The following RPS19BP1 variants were observed in gnomAD, a reference collection of about 807,000 sequenced individuals.
RPS19BP1 encodes the protein active regulator of SIRT1.
RPS19BP1 carries 14 observed loss-of-function variants against 16.6 expected under a neutral mutation model. The observed-to-expected ratio is 0.84, with a 90% CI of 0.56 to 1.32. The LOEUF (loss-of-function observed/expected upper bound fraction) is 1.32. Among genes scored for constraint, RPS19BP1 ranks in the 40% most tolerant of loss-of-function variants. The pLI, the probability that RPS19BP1 is intolerant of heterozygous loss-of-function variation, is 0.00. For synonymous variants in RPS19BP1, 90 were observed against 77.3 expected (o/e 1.16, Z -0.86); for missense variants, 188 against 178.6 (o/e 1.05, Z -0.30).
In RPS19BP1 at chr22:39,532,670, T is replaced by C; in HGVS notation, c.52+17A>G. 1.3e-6 allele frequency: 2 copies of C among 1,555,158 alleles called. No individual in the cohort carries two copies. Among genetic ancestry groups the C allele is most frequent in the Non-Finnish European group, 8.7e-7 (1 of 1,153,914 alleles). On this transcript the variant is annotated intron_variant, in intron 1 of 3. Coordinates refer to ENST00000334678, the MANE Select transcript of RPS19BP1 (RefSeq NM_194326.4). ...CCTCCTGCCCGCGCCGGACGTCCCCTGGCCAGCCCTCCTCACCCTCGGACG... is the reference window on the plus strand; with the variant it reads ...CCTCCTGCCCGCGCCGGACGTCCCCCGGCCAGCCCTCCTCACCCTCGGACG...
Position 39,529,163 on chromosome 22 carries a change from G to A in RPS19BP1, c.*329C>T. The stretch of plus-strand genomic sequence containing the variant: ...TACTCCTGGAGCTGTCGTCCCCAAG[G>A]GCTCAGGAATTAGCCTTGCTCCACA... On this transcript the variant is annotated 3_prime_UTR_variant, in exon 4 of 4. Transcript: ENST00000334678. The A allele has an allele frequency of 3.0e-6, 1 of 328,700 alleles. No homozygotes were observed. Among genetic ancestry groups the A allele is most frequent in the African/African-American group, 2.2e-5 (1 of 46,062 alleles). 20.4% of individuals were successfully genotyped at this position (328,700 alleles called of 1,614,324 possible).
intron 1 of RPS19BP1, 37 bp downstream of exon 1, chr22:39,532,650 T>G (rs1302560328): frequency 6.3e-7 from 1 of 1,575,504 alleles, no homozygotes; most frequent in East Asian, 2.3e-5. Context: ...ACCATCCTCC[T>G]GCCCGCGCCG....
rs1738922686 is a variant in RPS19BP1, at chr22:39,529,613, T to C, written c.290A>G (p.Gln97Arg). Residue 97 changes from glutamine (Q) to arginine (R), a missense_variant, in exon 4 of 4, where the codon CAG becomes CGG. By Grantham distance (43) the Gln-to-Arg change is conservative. Coordinates refer to ENST00000334678, the MANE Select transcript of RPS19BP1 (RefSeq NM_194326.4). ...AESVSQQILR[Q>R]NRGRKACDRP... ...GTCACAGGCCTTGCGGCCCCGGTTC[T>C]GGCGCAAAATCTGGCGAGGGTGCGG... 3 of 1,613,918 alleles carry C rather than the reference T, an allele frequency of 1.9e-6. No individual in the cohort carries two copies. The highest frequency in any genetic ancestry group is 2.5e-6 in the Non-Finnish European group (3 of 1,180,006).
At chr22:39,532,626 C>A in intron 1 of RPS19BP1, 61 bp downstream of exon 1, 1 of 1,593,148 alleles carries the variant, frequency 6.3e-7, no homozygotes. Context: ...CCAGGGCTCC[C>A]GCCCGCAGCC....
chr22:39,529,647 G>A (rs777100876), intron 3 of RPS19BP1, 24 bp from the exon 4 acceptor site: 8 of 1,612,034 alleles, frequency 5.0e-6, no homozygotes, highest in South Asian at 1.1e-5. Flanking sequence ...GGGACCGAGG[G>A]CCCATCATTT....
Position 39,532,527 on chromosome 22 carries a change from T to C in RPS19BP1, c.53-4A>G, listed in dbSNP as rs1413435186. ...TGACCTGGAGGGTCCCGGGGGGCTG[T>C]AGGGGAAGAGAGAGGAAGAGACCCA... is the stretch of plus-strand genomic sequence containing the variant. On this transcript the variant is annotated splice_polypyrimidine_tract_variant and splice_region_variant and intron_variant, in intron 1 of 3. Transcript: ENST00000334678. 4 of 1,613,642 alleles carry C rather than the reference T, an allele frequency of 2.5e-6. No homozygotes were observed. The highest frequency in any genetic ancestry group is 2.2e-5 in the East Asian group (1 of 44,892).
At chr22:39,532,123 C>G in intron 2 of RPS19BP1, 1 of 442,172 alleles carries the variant, frequency 2.3e-6, no homozygotes, top group Non-Finnish European at 4.1e-6. Flanking sequence ...GTACCGTAGT[C>G]TTTTAATTCA....
Position 39,532,312 on chromosome 22 carries a change from C to G in RPS19BP1, c.181+83G>C, listed in dbSNP as rs1931332363. On this transcript the variant is annotated intron_variant, in intron 2 of 3. Coordinates refer to ENST00000334678, the MANE Select transcript of RPS19BP1 (RefSeq NM_194326.4). ...GTCTAGCAATACCGGGCGAACGCTT[C>G]AAGCCCTGCCTCAAGCGCCACCTCC... 1.9e-6 allele frequency: 3 copies of G among 1,597,112 alleles called. No individual in the cohort carries two copies. In the South Asian group the frequency reaches 3.3e-5, roughly 18 times the overall value.
intron 2 of RPS19BP1, 75 bp downstream of exon 2, chr22:39,532,320 G>C (rs1931332597): frequency 6.2e-7 from 1 of 1,604,874 alleles, no homozygotes; most frequent in Non-Finnish European, 8.5e-7. Context: ...TTCAAGCCCT[G>C]CCTCAAGCGC....
In RPS19BP1 at chr22:39,529,418, G is replaced by A. The variant is rs560203199; in HGVS notation, c.*74C>T. Reference sequence around the variant, plus strand: ...TCGCCATCTGCTGGCCGCGCGGCACGGCCGGTTCCTGGAGCCAGCAGGAGT... The same window carrying A: ...TCGCCATCTGCTGGCCGCGCGGCACAGCCGGTTCCTGGAGCCAGCAGGAGT... On this transcript the variant is annotated 3_prime_UTR_variant, in exon 4 of 4. Transcript: ENST00000334678. The A allele has an allele frequency of 4.4e-6, 7 of 1,578,074 alleles. No homozygotes were observed. The highest frequency in any genetic ancestry group is 2.3e-5 in the South Asian group (2 of 88,046).
rs1168079517 is a variant in RPS19BP1, at chr22:39,529,341, A to G, written c.*151T>C. The G allele has an allele frequency of 1.9e-6, 2 of 1,052,152 alleles. No homozygotes were observed. Among genetic ancestry groups the G allele is most frequent in the East Asian group, 2.6e-5 (1 of 38,330 alleles). The allele number at this position is 1,052,152 out of a possible 1,614,324, so 65.2% of individuals were successfully genotyped here. A position where few individuals can be genotyped will look rare whatever the true frequency, so the allele number is the denominator to read the frequency against. On this transcript the variant is annotated 3_prime_UTR_variant, in exon 4 of 4. Transcript: ENST00000334678. Reference sequence around the variant, plus strand: ...ACTTCCGGCCCACCAGCTCCATTCCAGCCTCCACTCGGCTCAGCTCCGCGG... The same window carrying G: ...ACTTCCGGCCCACCAGCTCCATTCCGGCCTCCACTCGGCTCAGCTCCGCGG...
Position 39,529,638 on chromosome 22 carries a change from G to T in RPS19BP1, c.280-15C>A. The T allele has an allele frequency of 6.2e-7, 1 of 1,613,194 alleles. No homozygotes were observed. On this transcript the variant is annotated splice_polypyrimidine_tract_variant and intron_variant, in intron 3 of 3. Coordinates refer to ENST00000334678, the MANE Select transcript of RPS19BP1 (RefSeq NM_194326.4). Reference sequence around the variant, plus strand: ...TGGCGCAAAATCTGGCGAGGGTGCGGGACCGAGGGCCCATCATTTCAAGAG... The same window carrying T: ...TGGCGCAAAATCTGGCGAGGGTGCGTGACCGAGGGCCCATCATTTCAAGAG...
chr22:39,532,706 C>T lies in RPS19BP1; in HGVS notation c.33G>A (p.Glu11=), dbSNP rs556400927. The change falls in exon 1 of 4, where the codon GAG becomes GAA. Residue 11 remains glutamate, a synonymous_variant. Coordinates refer to ENST00000334678, the MANE Select transcript of RPS19BP1 (RefSeq NM_194326.4). ...CCTCACCCTCGGACGCCGCCAGCAGCTCCAGGCCCCGCCGCAGCAGGGCGG... is the reference window on the plus strand; with the variant it reads ...CCTCACCCTCGGACGCCGCCAGCAGTTCCAGGCCCCGCCGCAGCAGGGCGG... MSAALLRRGL[E]LLAASEAPRD... 15 of 1,543,002 alleles carry T rather than the reference C, an allele frequency of 9.7e-6. No individual in the cohort carries two copies. The highest frequency in any genetic ancestry group is 2.4e-5 in the South Asian group (2 of 84,748).
At chr22:39,530,775 G>C in intron 2 of RPS19BP1, 1 of 155,474 alleles carries the variant, frequency 6.4e-6, no homozygotes, top group South Asian at 1.6e-4. Context: ...GCTGGAGTAG[G>C]GGGAGTGGGT....
At position 39,532,708 on chromosome 22, in the gene RPS19BP1, C is replaced by G. The variant is rs1248511126; in HGVS notation, c.31G>C (p.Glu11Gln). 2.6e-6 allele frequency: 4 copies of G among 1,543,138 alleles called. No homozygotes were observed. In the Admixed American group the frequency reaches 5.9e-5, roughly 23 times the overall value. Residue 11 changes from glutamate to glutamine, a missense_variant, in exon 1 of 4, where the codon GAG (glutamate) becomes CAG (glutamine). By Grantham distance (29) the Glu-to-Gln change is conservative (BLOSUM62 2). Coordinates refer to ENST00000334678, the MANE Select transcript of RPS19BP1 (RefSeq NM_194326.4). ...TCACCCTCGGACGCCGCCAGCAGCTCCAGGCCCCGCCGCAGCAGGGCGGCG... is the reference window on the plus strand; with the variant it reads ...TCACCCTCGGACGCCGCCAGCAGCTGCAGGCCCCGCCGCAGCAGGGCGGCG... MSAALLRRGLELLAASEAPRD... is the reference protein window; with the variant it reads MSAALLRRGLQLLAASEAPRD...
Position 39,532,412 on chromosome 22 carries a change from AC to A in RPS19BP1, c.163del (p.Val55CysfsTer20), listed in dbSNP as rs756887925. Reference sequence around the variant, plus strand: ...GAACTTACCCAGTGCCGACTTGGGCACCTTTCCCTTGGCCGAGTTCCGCAGT... The same window carrying A: ...GAACTTACCCAGTGCCGACTTGGGCACTTTCCCTTGGCCGAGTTCCGCAGT... ...QKLRNSAKGK[V>X]PKSALDEYRK... On this transcript the variant is annotated frameshift_variant, in exon 2 of 4. Transcript: ENST00000334678. LOFTEE classifies it high-confidence loss of function. The A allele has an allele frequency of 1.2e-6, 2 of 1,614,152 alleles. No individual in the cohort carries two copies. The highest frequency in any genetic ancestry group is 3.3e-5 in the Admixed American group (2 of 60,032).
In RPS19BP1 at chr22:39,529,277, C is replaced by T. The variant is rs567642031; in HGVS notation, c.*215G>A. The T allele has an allele frequency of 4.2e-5, 26 of 626,450 alleles. No individual in the cohort carries two copies. The East Asian group carries it at 6.9e-4, about 17-fold the overall frequency. The allele number at this position is 626,450 out of a possible 1,614,324, so 38.8% of individuals were successfully genotyped here. A position where few individuals can be genotyped will look rare whatever the true frequency, so the allele number is the denominator to read the frequency against. On this transcript the variant is annotated 3_prime_UTR_variant, in exon 4 of 4. Coordinates refer to ENST00000334678, the MANE Select transcript of RPS19BP1 (RefSeq NM_194326.4). Reference sequence around the variant, plus strand: ...GGTGCAGATGCTCTGCCCAGGCCTGCGGAAGCCAGCTCCGGTCTGTGTGTA... The same window carrying T: ...GGTGCAGATGCTCTGCCCAGGCCTGTGGAAGCCAGCTCCGGTCTGTGTGTA...
At chr22:39,530,153 T>A (rs927901040) in intron 2 of RPS19BP1, 2 of 522,792 alleles carry the variant, frequency 3.8e-6, no homozygotes, top group African/African-American at 3.9e-5. Flanking sequence ...CCAAGGGAGC[T>A]ACTCTGGAGC....
intron 2 of RPS19BP1, chr22:39,532,137 G>A (rs1159233529): frequency 1.1e-5 from 5 of 475,438 alleles, no homozygotes; most frequent in Non-Finnish European, 1.5e-5. Context: ...TAATTCATAG[G>A]CTTCAATGCA....
Sources: gnomAD v4.1 joint callset for allele counts on GRCh38, gnomAD v4.1.1 for gene constraint, MANE v1.5 for transcripts, NCBI Gene and HGNC (gene_info 2026-07-23, HGNC 2026-07-21) for gene names.